Variants in ATP9A observed in about 807,000 individuals in gnomAD.
The protein encoded by ATP9A is probable phospholipid-transporting ATPase IIA.
Under a neutral mutation model 144.1 loss-of-function variants are expected in ATP9A, and 52 were observed. The ratio of observed to expected loss-of-function variants is 0.36; its 90% CI spans 0.29 to 0.45. ATP9A has a LOEUF of 0.45. Ranked by LOEUF, ATP9A falls within the 20% of genes least tolerant of loss-of-function variation. The pLI, the probability that ATP9A is intolerant of heterozygous loss-of-function variation, is 1.00. For missense variants in ATP9A, 947 were observed against 1,392.7 expected (o/e 0.68, Z 5.09); for synonymous variants, 582 against 557.4 (o/e 1.04, Z -0.62).
intron 15 of ATP9A, among the ~76,000 whole-genome samples, chr20:51,632,921 G>C (rs914833019): frequency 2.0e-5 from 3 of 152,140 alleles, no homozygotes; most frequent in Middle Eastern, 3.4e-3. Flanking sequence ...TCAGGAGTTC[G>C]AGACCAGCCT....
chr20:51,639,499 G>A lies in ATP9A; in HGVS notation c.1512C>T (p.Ala504=). ...CCACACTTTCCGTCCACTGTACCAG[G>A]GCCACCTAAACATAACACAGGGTCG... ...VYQASSPDEV[A]LVQWTESVGL... Residue 504 remains alanine (A), a synonymous_variant, in exon 15 of 28, where the codon GCC becomes GCT. Transcript: ENST00000338821. 1.2e-6 allele frequency: 2 copies of A among 1,609,362 alleles called. No homozygotes were observed. The highest frequency in any genetic ancestry group is 2.2e-5 in the South Asian group (2 of 90,482).
chr20:51,768,254 G>A (rs2077914416), intron 1 of ATP9A, 48 bp downstream of exon 1: 2 of 1,185,738 alleles, frequency 1.7e-6, no homozygotes, highest in Admixed American at 4.3e-5. Flanking sequence ...CGAGCGCCGG[G>A]CTCCGGGAGG....
chr20:51,708,742 T>C (rs1286618817), intron 4 of ATP9A, among the ~76,000 whole-genome samples: 1 of 151,938 alleles, frequency 6.6e-6, no homozygotes, highest in Non-Finnish European at 1.5e-5. Flanking sequence ...TCTCAATAAA[T>C]AAACAAATAA....
intron 14 of ATP9A, among the ~76,000 whole-genome samples, chr20:51,656,616 T>C (rs2426352): frequency 0.48 from 73,255 of 151,968 alleles, 18,393 homozygotes; most frequent in East Asian, 0.79. Flanking sequence ...ATGTGGAGTT[T>C]ATCTTAATTA....
At chr20:51,659,514 G>A (rs2077402655) in intron 13 of ATP9A, among the ~76,000 whole-genome samples, 1 of 152,140 alleles carries the variant, frequency 6.6e-6, no homozygotes, top group South Asian at 2.1e-4. Context: ...ATCAGTTTCA[G>A]ATTTTAAATC....
At chr20:51,754,232 T>A (rs1396255855) in intron 1 of ATP9A, among the ~76,000 whole-genome samples, 1 of 152,084 alleles carries the variant, frequency 6.6e-6, no homozygotes, top group Non-Finnish European at 1.5e-5. Context: ...CTGGGCGCGG[T>A]GGCTCATGCT....
At chr20:51,764,964 G>C (rs916241847) in intron 1 of ATP9A, among the ~76,000 whole-genome samples, 1 of 151,926 alleles carries the variant, frequency 6.6e-6, no homozygotes, top group Admixed American at 6.6e-5. Flanking sequence ...CGAGTGATCC[G>C]CCCACCTTGG....
chr20:51,727,875 G>A (rs988526337), intron 2 of ATP9A, among the ~76,000 whole-genome samples: 1 of 151,284 alleles, frequency 6.6e-6, no homozygotes, highest in African/African-American at 2.4e-5. Context: ...AGGTTGCAGT[G>A]AGCCGAGATC....
intron 22 of ATP9A, among the ~76,000 whole-genome samples, chr20:51,614,430 A>C (rs975335503): frequency 1.3e-4 from 19 of 151,992 alleles, no homozygotes; most frequent in African/African-American, 4.6e-4. Context: ...CCTCCTGAGC[A>C]GCTGGGAGCA....
At chr20:51,624,761 C>T (rs1178629420) in intron 18 of ATP9A, among the ~76,000 whole-genome samples, 1 of 152,086 alleles carries the variant, frequency 6.6e-6, no homozygotes, top group East Asian at 1.9e-4. Flanking sequence ...AATCCTAGCA[C>T]TTCGGAGACT....
At chr20:51,626,208 G>T (rs2077247879) in intron 17 of ATP9A, among the ~76,000 whole-genome samples, 1 of 152,240 alleles carries the variant, frequency 6.6e-6, no homozygotes, top group Non-Finnish European at 1.5e-5. Flanking sequence ...AATTAGGGAG[G>T]CCGGGTGTGG....
In ATP9A at chr20:51,604,631, G is replaced by C. The variant is rs191813961; in HGVS notation, c.3007+186C>G. Among the ~76,000 whole-genome samples the C allele has an allele frequency of 1.9e-3, 294 of 152,258 alleles. 1 individual carries two copies. The highest frequency in any genetic ancestry group is 6.9e-3 in the African/African-American group (288 of 41,548). On this transcript the variant is annotated intron_variant, in intron 27 of 27. Transcript: ENST00000338821. The stretch of plus-strand genomic sequence containing the variant: ...CTCTGTCCTCAATTTCACACCCTGA[G>C]GCACAACTACCACCTGTCCCTAGAG...
At chr20:51,724,972 G>C (rs2077706043) in intron 3 of ATP9A, among the ~76,000 whole-genome samples, 1 of 152,168 alleles carries the variant, frequency 6.6e-6, no homozygotes, top group Non-Finnish European at 1.5e-5. Flanking sequence ...GATGTTTCCA[G>C]ATTGGGGGAC....
At chr20:51,606,484 TC>T (rs1367793119) in intron 26 of ATP9A, among the ~76,000 whole-genome samples, 1 of 152,024 alleles carries the variant, frequency 6.6e-6, no homozygotes, top group Non-Finnish European at 1.5e-5. Flanking sequence ...ATTGCTTGAG[TC>T]CAGGAGTTTG....
chr20:51,626,019 G>A (rs978377256), intron 17 of ATP9A, among the ~76,000 whole-genome samples: 17 of 152,234 alleles, frequency 1.1e-4, no homozygotes, highest in African/African-American at 3.9e-4. Context: ...AGGGCCCCAC[G>A]AAGCGTGTCC....
intron 4 of ATP9A, among the ~76,000 whole-genome samples, chr20:51,698,159 C>A (rs1363749766): frequency 6.6e-6 from 1 of 152,158 alleles, no homozygotes; most frequent in Admixed American, 6.5e-5. Flanking sequence ...TAGAACAGGT[C>A]AGTGCTGGGA....
In ATP9A at chr20:51,613,787, A is replaced by G; in HGVS notation, c.2461T>C (p.Phe821Leu). The G allele has an allele frequency of 1.9e-6, 3 of 1,614,126 alleles. No individual in the cohort carries two copies. Among genetic ancestry groups the G allele is most frequent in the Non-Finnish European group, 2.5e-6 (3 of 1,180,006 alleles). The change falls in exon 23 of 28, where the codon TTT becomes CTT. Residue 821 changes from phenylalanine to leucine, a missense_variant. Around this residue, in one of 2 missense-constraint regions of ATP9A, gnomAD observed 177 missense variants for 344.9 expected, o/e 0.51. Transcript: ENST00000338821. ...ATAAGCAACCGGCCAAGATGCTTAAATTGAGTGATGGAGAAGTCTGCAGCC... is the reference window on the plus strand; with the variant it reads ...ATAAGCAACCGGCCAAGATGCTTAAGTTGAGTGATGGAGAAGTCTGCAGCC... The part of the protein sequence containing the change: ...SLAADFSITQ[F>L]KHLGRLLMVH...
intron 27 of ATP9A, among the ~76,000 whole-genome samples, chr20:51,602,174 G>T (rs886612323): frequency 6.6e-6 from 1 of 152,108 alleles, no homozygotes; most frequent in South Asian, 2.1e-4. Flanking sequence ...AGGTGGGGGG[G>T]GCGGGCGTAC....
chr20:51,711,331 G>T (rs1226883078), intron 4 of ATP9A, among the ~76,000 whole-genome samples: 3 of 151,366 alleles, frequency 2.0e-5, no homozygotes, highest in Non-Finnish European at 4.4e-5. Flanking sequence ...TTTTTTTTTA[G>T]CCCAAAACAT....
Sources: gnomAD v4.1 joint callset for allele counts (sites outside exome capture counted in the v4.1 genomes callset) on GRCh38, gnomAD v4.1.1 for gene constraint, gnomAD v4.1.1 regional missense constraint, MANE v1.5 for transcripts, NCBI Gene and HGNC (gene_info 2026-07-23, HGNC 2026-07-21) for gene names.